RAD51B: variants seen among roughly 807,000 people sequenced by gnomAD.
RAD51B encodes DNA repair protein RAD51 homolog 2.
A neutral mutation model predicts 42.2 loss-of-function variants in RAD51B; 38 were observed. The ratio of observed to expected loss-of-function variants is 0.90; its 90% CI spans 0.70 to 1.18. The LOEUF (loss-of-function observed/expected upper bound fraction) is 1.18. RAD51B is among the 50% of genes most tolerant of loss of function. The pLI, the probability that RAD51B is intolerant of heterozygous loss-of-function variation, is 0.00. For missense variants in RAD51B, 373 were observed against 400.7 expected, an observed-to-expected ratio of 0.93 and a Z score of 0.59; for synonymous variants, 154 against 145.2, an observed-to-expected ratio of 1.06 and a Z score of -0.43.
chr14:68,123,867 T>G (rs2077703085), intron 7 of RAD51B, among the ~76,000 whole-genome samples: 1 of 152,174 alleles, frequency 6.6e-6, no homozygotes, highest in African/African-American at 2.4e-5. Context: ...TTCAAAAATC[T>G]AACTGAAAAG....
At chr14:67,947,617 A>G (rs761452645) in intron 7 of RAD51B, among the ~76,000 whole-genome samples, 1 of 152,196 alleles carries the variant, frequency 6.6e-6, no homozygotes, top group Non-Finnish European at 1.5e-5. Flanking sequence ...CCCTAGAAGT[A>G]TTGGTTAAAA....
intron 10 of RAD51B, among the ~76,000 whole-genome samples, chr14:68,618,748 AACTTGAGCCTAGCCCTGACT>A (rs1321125579): frequency 2.0e-5 from 3 of 152,146 alleles, no homozygotes; most frequent in Non-Finnish European, 4.4e-5. Context: ...TAGCCCTGAC[AACTTGAGCCTAGCCCTGACT>A]ACTTGAGAAA....
At chr14:67,886,980 T>C in intron 6 of RAD51B, 41 bp from the exon 7 acceptor site, 1 of 1,265,230 alleles carries the variant, frequency 7.9e-7, no homozygotes, top group South Asian at 1.6e-5. Context: ...ATTTATTTTA[T>C]CTTAAATTTA....
intron 7 of RAD51B, among the ~76,000 whole-genome samples, chr14:67,976,688 T>G (rs2075001766): frequency 6.6e-6 from 1 of 151,948 alleles, no homozygotes; most frequent in Non-Finnish European, 1.5e-5. Context: ...CCAAAAGCAA[T>G]GGCAACAAAA....
chr14:67,895,702 A>G (rs1014534455), intron 7 of RAD51B, among the ~76,000 whole-genome samples: 3 of 152,134 alleles, frequency 2.0e-5, no homozygotes, highest in African/African-American at 7.2e-5. Context: ...TGAATGATTA[A>G]GTCTTAGTTT....
At chr14:68,098,553 G>A (rs1240697426) in intron 7 of RAD51B, among the ~76,000 whole-genome samples, 1 of 152,198 alleles carries the variant, frequency 6.6e-6, no homozygotes, top group Non-Finnish European at 1.5e-5. Flanking sequence ...CATGGCAGTG[G>A]CAAGAGGAAA....
At chr14:67,825,853 C>G (rs550474441) in intron 3 of RAD51B, among the ~76,000 whole-genome samples, 1 of 152,248 alleles carries the variant, frequency 6.6e-6, no homozygotes, top group South Asian at 2.1e-4. Flanking sequence ...CCTCAGCCTC[C>G]TGAGTAGCTG....
chr14:68,005,031 C>CTGTGTG (rs1387632190), intron 7 of RAD51B, among the ~76,000 whole-genome samples: 2,844 of 115,466 alleles, frequency 0.025, 138 homozygotes, highest in African/African-American at 0.082. Flanking sequence ...TACCATTCTA[C>CTGTGTG]TGTGTGTGTG....
intron 8 of RAD51B, among the ~76,000 whole-genome samples, chr14:68,373,591 G>A (rs2083303700): frequency 6.6e-6 from 1 of 152,096 alleles, no homozygotes; most frequent in Admixed American, 6.5e-5. Flanking sequence ...ACACAGGGAG[G>A]GGAACTTCAT....
chr14:68,608,201 A>G (rs1891530577), intron 10 of RAD51B, among the ~76,000 whole-genome samples: 1 of 152,196 alleles, frequency 6.6e-6, no homozygotes, highest in Non-Finnish European at 1.5e-5. Context: ...TCCAAACACC[A>G]CATTTCCAGA....
exon 11 of RAD51B, chr14:68,595,759 C>A: frequency 1.9e-6 from 1 of 515,086 alleles, no homozygotes. Context: ...GGCTTAATCT[C>A]ATGGGAAAGT....
intron 7 of RAD51B, among the ~76,000 whole-genome samples, chr14:68,132,992 G>GA (rs1198241823): frequency 4.6e-5 from 7 of 152,098 alleles, no homozygotes; most frequent in Non-Finnish European, 1.0e-4. Context: ...TCTCGGGATG[G>GA]AAAAAATTGG....
rs73280460 is a variant in RAD51B at position 67,877,951 on chromosome 14, C to T, written c.453-7918C>T. On this transcript the variant is annotated intron_variant, in intron 5 of 10. Transcript: ENST00000471583. ...AACTGCTTGAATTCCAAGCATAAGC[C>T]GCCATGCCTGGCCAGAAATTTGTAA... Among the ~76,000 whole-genome samples the T allele has an allele frequency of 8.4e-3, 1,277 of 152,284 alleles. 15 individuals are homozygous for T. The highest frequency in any genetic ancestry group is 0.03 in the African/African-American group (1,239 of 41,550).
At chr14:68,316,879 A>G (rs967955866) in intron 8 of RAD51B, among the ~76,000 whole-genome samples, 1 of 152,262 alleles carries the variant, frequency 6.6e-6, no homozygotes, top group Non-Finnish European at 1.5e-5. Flanking sequence ...TAAGTATACA[A>G]TTCAATGATT....
chr14:68,349,239 T>C (rs1015716836), intron 8 of RAD51B, among the ~76,000 whole-genome samples: 1 of 152,226 alleles, frequency 6.6e-6, no homozygotes, highest in African/African-American at 2.4e-5. Flanking sequence ...CAAATGGACA[T>C]TGGCTGAGTG....
At chr14:68,198,710 C>A (rs1480019418) in intron 7 of RAD51B, among the ~76,000 whole-genome samples, 1 of 151,998 alleles carries the variant, frequency 6.6e-6, no homozygotes, top group Non-Finnish European at 1.5e-5. Flanking sequence ...ATAATAGATA[C>A]CTTTGATTTT....
At chr14:68,573,014 A>C (rs1288004570) in intron 10 of RAD51B, among the ~76,000 whole-genome samples, 1 of 152,236 alleles carries the variant, frequency 6.6e-6, no homozygotes, top group East Asian at 1.9e-4. Context: ...GGAGTCGGGG[A>C]ATCAAACCCA....
chr14:68,078,494 CT>C (rs932166899), intron 7 of RAD51B, among the ~76,000 whole-genome samples: 11 of 149,188 alleles, frequency 7.4e-5, no homozygotes, highest in South Asian at 2.1e-4. Context: ...AGCCCTTCAC[CT>C]TTTTTTTTTC....
In RAD51B at chr14:68,399,259, G is replaced by GTTT. The variant is rs397719053; in HGVS notation, c.854-12152_854-12150dup. On this transcript the variant is annotated intron_variant, in intron 8 of 10. Coordinates refer to ENST00000471583, the MANE Select transcript of RAD51B (RefSeq NM_133510.4). ...TACCCTTTACCTGATTTTTTTTTGT[G>GTTT]TTTTTTTTTTTTTTTGAGATGGAGT... is the stretch of plus-strand genomic sequence containing the variant. 3.9e-3 allele frequency among the ~76,000 whole-genome samples: 528 copies of GTTT among 136,010 alleles called. 10 individuals carry two copies. The highest frequency in any genetic ancestry group is 0.01 in the African/African-American group (372 of 36,866). 89.2% of individuals were successfully genotyped at this position (136,010 alleles called of 152,430 possible).
Sources: allele counts gnomAD v4.1 joint callset (sites outside exome capture counted in the v4.1 genomes callset), GRCh38; gene constraint gnomAD v4.1.1; transcripts MANE v1.5; gene names NCBI Gene and HGNC (gene_info 2026-07-23, HGNC 2026-07-21).